FNDC3A: variants seen among roughly 807,000 people sequenced by gnomAD.
The protein encoded by FNDC3A is fibronectin type III domain containing 3A, also known as fibronectin type-III domain-containing protein 3A.
A neutral mutation model predicts 148.9 loss-of-function variants in FNDC3A; 32 were observed. The observed-to-expected ratio is 0.21, with a 90% CI of 0.16 to 0.29. FNDC3A has a LOEUF of 0.29. Among genes scored for constraint, FNDC3A ranks in the 10% least tolerant of loss-of-function variants. FNDC3A has a pLI of 1.00. For missense variants in FNDC3A, 1,191 were observed against 1,452.8 expected (o/e 0.82, Z 2.93); for synonymous variants, 472 against 473.6 (o/e 1.00, Z 0.04).
At chr13:49,067,808 A>G (rs910095314) in intron 2 of FNDC3A, among the ~76,000 whole-genome samples, 1 of 152,156 alleles carries the variant, frequency 6.6e-6, no homozygotes, top group Non-Finnish European at 1.5e-5. Flanking sequence ...AACCCTTTGA[A>G]TCCTATCTAT....
rs533301119 is a variant in FNDC3A at position 49,198,558 on chromosome 13, G to C, written c.2971G>C (p.Glu991Gln). 2 of 1,613,418 alleles carry C rather than the reference G, an allele frequency of 1.2e-6. No homozygotes were observed. The highest frequency in any genetic ancestry group is 2.7e-5 in the African/African-American group (2 of 75,024). ...TTCTATTCAGTACCACCTTCAGATG[G>C]AGGATAAGAATGGACGGTAGGTTTT... ...TDSIQYHLQM[E>Q]DKNGRFVSLY... Residue 991 changes from glutamate to glutamine, a missense_variant, in exon 23 of 26, where the codon GAG becomes CAG. Glu to Gln is a conservative substitution (Grantham distance 29). Transcript: ENST00000492622.
chr13:49,150,685 A>T (rs1012159232), intron 8 of FNDC3A, among the ~76,000 whole-genome samples: 7 of 152,110 alleles, frequency 4.6e-5, no homozygotes, highest in Admixed American at 4.6e-4. Flanking sequence ...GGTGGCTTAC[A>T]CCTCTAATCC....
At chr13:48,978,528 C>T (rs1566170236) in intron 1 of FNDC3A, among the ~76,000 whole-genome samples, 1 of 150,810 alleles carries the variant, frequency 6.6e-6, no homozygotes, top group East Asian at 1.9e-4. Flanking sequence ...TTTTTTGAAA[C>T]ATTGTTGGTG....
intron 2 of FNDC3A, among the ~76,000 whole-genome samples, chr13:49,035,474 A>C (rs1191150141): frequency 6.6e-6 from 1 of 152,062 alleles, no homozygotes; most frequent in Non-Finnish European, 1.5e-5. Context: ...TACAGTTTAC[A>C]GTTAAATTAA....
chr13:49,073,799 TG>T (rs1187025173), intron 2 of FNDC3A, among the ~76,000 whole-genome samples: 3 of 146,574 alleles, frequency 2.0e-5, no homozygotes, highest in African/African-American at 5.0e-5. Context: ...ATTATATATA[TG>T]TATATATATT....
intron 4 of FNDC3A, among the ~76,000 whole-genome samples, chr13:49,118,618 G>A (rs1036116534): frequency 6.6e-5 from 10 of 152,190 alleles, no homozygotes; most frequent in African/African-American, 2.2e-4. Context: ...TGAAATTCTC[G>A]CTGCCAGCAC....
At chr13:48,996,974 A>C (rs767974950) in intron 1 of FNDC3A, among the ~76,000 whole-genome samples, 1 of 152,104 alleles carries the variant, frequency 6.6e-6, no homozygotes, top group South Asian at 2.1e-4. Flanking sequence ...GAGACAGGAA[A>C]ATTGCTTGAA....
chr13:49,204,850 G>A (rs1017709713), intron 25 of FNDC3A, among the ~76,000 whole-genome samples: 2 of 152,082 alleles, frequency 1.3e-5, no homozygotes, highest in African/African-American at 2.4e-5. Flanking sequence ...TTGAAAACTT[G>A]ATCCCATCAT....
intron 1 of FNDC3A, among the ~76,000 whole-genome samples, chr13:48,981,202 C>T (rs1314791586): frequency 6.6e-6 from 1 of 152,082 alleles, no homozygotes; most frequent in East Asian, 1.9e-4. Flanking sequence ...ACCATGCCAG[C>T]TGTTTCCATT....
intron 2 of FNDC3A, among the ~76,000 whole-genome samples, chr13:49,016,746 TA>T (rs1872816096): frequency 6.6e-6 from 1 of 152,208 alleles, no homozygotes; most frequent in African/African-American, 2.4e-5. Flanking sequence ...TTTAGTGCTA[TA>T]AATTTCCCTC....
At position 49,206,948 on chromosome 13, in the gene FNDC3A, A is replaced by G. The variant is rs116269491; in HGVS notation, c.3283-133A>G. 749 of 645,530 alleles carry G rather than the reference A, an allele frequency of 1.2e-3. 4 individuals carry two copies. The highest frequency in any genetic ancestry group is 8.0e-3 in the African/African-American group (439 of 54,748). The allele number at this position is 645,530 out of a possible 1,614,324, so 40.0% of individuals were successfully genotyped here. On this transcript the variant is annotated intron_variant, in intron 25 of 25. Transcript: ENST00000492622. ...ACTTTAATGGACAGGTATTTTTAAC[A>G]TGTCATTTAAAAGATAAAATCAATG...
intron 3 of FNDC3A, among the ~76,000 whole-genome samples, chr13:49,102,147 A>G (rs1422899435): frequency 6.6e-6 from 1 of 150,392 alleles, no homozygotes; most frequent in African/African-American, 2.4e-5. Context: ...TTTTTTCTTG[A>G]TTTTTTTAAG....
At chr13:49,173,670 C>G (rs1884879004) in intron 11 of FNDC3A, among the ~76,000 whole-genome samples, 2 of 152,140 alleles carry the variant, frequency 1.3e-5, no homozygotes, top group Non-Finnish European at 2.9e-5. Context: ...ATATGATTTT[C>G]TACTTAGAAA....
chr13:49,127,614 C>T (rs995247227), intron 4 of FNDC3A, among the ~76,000 whole-genome samples: 2 of 152,202 alleles, frequency 1.3e-5, no homozygotes, highest in Admixed American at 6.5e-5. Context: ...CTTAGTTTTC[C>T]TTCTGCCTCG....
intron 3 of FNDC3A, among the ~76,000 whole-genome samples, chr13:49,096,420 G>A (rs1445806296): frequency 6.6e-6 from 1 of 152,100 alleles, no homozygotes; most frequent in East Asian, 1.9e-4. Context: ...GTTTAACAGA[G>A]TTCTGTCTTT....
chr13:49,104,313 T>G (rs1880030112), intron 3 of FNDC3A, among the ~76,000 whole-genome samples: 1 of 151,884 alleles, frequency 6.6e-6, no homozygotes, highest in Admixed American at 6.6e-5. Context: ...GATCACGAGG[T>G]CAGGAGATCC....
intron 9 of FNDC3A, among the ~76,000 whole-genome samples, chr13:49,168,339 G>A (rs1884583210): frequency 6.6e-6 from 1 of 152,100 alleles, no homozygotes; most frequent in Non-Finnish European, 1.5e-5. Context: ...GAAAGCATCA[G>A]TGTATTCCCC....
chr13:49,080,070 T>A (rs776383312), intron 3 of FNDC3A, among the ~76,000 whole-genome samples: 1 of 152,174 alleles, frequency 6.6e-6, no homozygotes, highest in Non-Finnish European at 1.5e-5. Context: ...GCACTGTGAT[T>A]ACAGGCATGG....
chr13:49,127,979 T>A (rs1002027576), intron 4 of FNDC3A, among the ~76,000 whole-genome samples: 2 of 152,146 alleles, frequency 1.3e-5, no homozygotes, highest in South Asian at 4.1e-4. Flanking sequence ...CCTCCCGGGT[T>A]CAAACGATTC....
Sources: gnomAD v4.1 joint callset for allele counts (sites outside exome capture counted in the v4.1 genomes callset) on GRCh38, gnomAD v4.1.1 for gene constraint, MANE v1.5 for transcripts, NCBI Gene and HGNC (gene_info 2026-07-23, HGNC 2026-07-21) for gene names.